SLC35F1: variants seen among roughly 807,000 people sequenced by gnomAD.
SLC35F1 encodes solute carrier family 35 member F1.
A neutral mutation model predicts 48.7 loss-of-function variants in SLC35F1; 14 were observed. The observed-to-expected ratio is 0.29, with a 90% CI of 0.19 to 0.45. The LOEUF is 0.45. Among genes scored for constraint, SLC35F1 ranks in the 20% least tolerant of loss-of-function variants. The pLI is 1.00. For missense variants in SLC35F1, 404 were observed against 500.0 expected (o/e 0.81, Z 1.83); for synonymous variants, 190 against 202.2 (o/e 0.94, Z 0.51).
At chr6:118,237,799 A>G (rs1302064331) in intron 3 of SLC35F1, among the ~76,000 whole-genome samples, 1 of 152,230 alleles carries the variant, frequency 6.6e-6, no homozygotes, top group African/African-American at 2.4e-5. Flanking sequence ...TGCACCAGTA[A>G]TTTGGTATGC....
chr6:117,951,710 G>C (rs1485128210), intron 1 of SLC35F1, among the ~76,000 whole-genome samples: 1 of 152,224 alleles, frequency 6.6e-6, no homozygotes, highest in Non-Finnish European at 1.5e-5. Flanking sequence ...CTAAGGATAA[G>C]AGACTGGGGA....
chr6:118,099,140 G>T (rs765339849), intron 1 of SLC35F1, among the ~76,000 whole-genome samples: 2 of 152,212 alleles, frequency 1.3e-5, no homozygotes, highest in Non-Finnish European at 2.9e-5. Context: ...TGAGCAGGAA[G>T]GTGGTGAATG....
At chr6:117,909,293 G>GT (rs1011031772) in intron 1 of SLC35F1, among the ~76,000 whole-genome samples, 17 of 150,626 alleles carry the variant, frequency 1.1e-4, no homozygotes, top group South Asian at 2.1e-4. Context: ...ATACCTGTGA[G>GT]TTTTTTTTTC....
intron 1 of SLC35F1, among the ~76,000 whole-genome samples, chr6:118,080,821 A>G (rs375497530): frequency 1.3e-5 from 2 of 152,330 alleles, no homozygotes. Context: ...CAATGTCTTC[A>G]GCTCAGAGAG....
At chr6:117,966,819 A>G (rs1477648890) in intron 1 of SLC35F1, among the ~76,000 whole-genome samples, 4 of 152,062 alleles carry the variant, frequency 2.6e-5, no homozygotes, top group African/African-American at 9.7e-5. Flanking sequence ...TTTCCACTCC[A>G]TTACCTCTTT....
At chr6:118,206,946 T>TA (rs140318212) in intron 2 of SLC35F1, among the ~76,000 whole-genome samples, 3,321 of 151,620 alleles carry the variant, frequency 0.022, 119 homozygotes, top group African/African-American at 0.076. Flanking sequence ...TCTTAGTGTT[T>TA]AAAAAAAAAT....
chr6:118,162,022 A>C (rs1027232277), intron 2 of SLC35F1, among the ~76,000 whole-genome samples: 7 of 152,222 alleles, frequency 4.6e-5, no homozygotes, highest in African/African-American at 1.7e-4. Flanking sequence ...TTGCATTTTT[A>C]CAAGAGATGA....
intron 7 of SLC35F1, among the ~76,000 whole-genome samples, chr6:118,302,971 G>T (rs1776271347): frequency 9.7e-6 from 1 of 102,682 alleles, no homozygotes; most frequent in African/African-American, 4.5e-5. Context: ...GAAACAAACA[G>T]CTTATTTAGA....
intron 1 of SLC35F1, among the ~76,000 whole-genome samples, chr6:118,112,811 A>G (rs1233258811): frequency 6.6e-6 from 1 of 152,228 alleles, no homozygotes; most frequent in African/African-American, 2.4e-5. Flanking sequence ...CAACCAAAAA[A>G]CAACCAACAA....
intron 6 of SLC35F1, among the ~76,000 whole-genome samples, chr6:118,278,920 A>T (rs765208005): frequency 3.3e-5 from 5 of 152,238 alleles, no homozygotes; most frequent in Admixed American, 1.3e-4. Context: ...GTTATAATTC[A>T]GTGTTAGTTA....
intron 1 of SLC35F1, among the ~76,000 whole-genome samples, chr6:117,975,876 C>T (rs1194419979): frequency 6.6e-6 from 1 of 152,196 alleles, no homozygotes; most frequent in Non-Finnish European, 1.5e-5. Flanking sequence ...CTTGATCCCT[C>T]TTCTGGAAAT....
chr6:118,279,007 G>A (rs1261368418), intron 6 of SLC35F1, among the ~76,000 whole-genome samples: 1 of 152,148 alleles, frequency 6.6e-6, no homozygotes, highest in Non-Finnish European at 1.5e-5. Flanking sequence ...AGTTGAAGAT[G>A]ATGAAGGACA....
intron 1 of SLC35F1, among the ~76,000 whole-genome samples, chr6:118,145,632 A>G (rs1397905359): frequency 6.6e-6 from 1 of 152,214 alleles, no homozygotes; most frequent in African/African-American, 2.4e-5. Context: ...ACAATTTTAA[A>G]TATGGATTTA....
At position 118,314,569 on chromosome 6, in the gene SLC35F1, A is replaced by C. The variant is rs1445733282; in HGVS notation, c.*317A>C. 1 of 317,038 alleles carries C rather than the reference A, an allele frequency of 3.2e-6. No homozygotes were observed. The highest frequency in any genetic ancestry group is 4.2e-5 in the Admixed American group (1 of 23,582). The allele number at this position is 317,038 out of a possible 1,614,324, so 19.6% of individuals were successfully genotyped here. ...GATTTGTATTATTATTATTGCTGTT[A>C]CTGTTATTACACCAACTTTCAGGAG... On this transcript the variant is annotated 3_prime_UTR_variant, in exon 8 of 8. Transcript: ENST00000360388.
intron 1 of SLC35F1, among the ~76,000 whole-genome samples, chr6:118,065,634 A>T (rs753847041): frequency 1.3e-5 from 2 of 152,246 alleles, no homozygotes; most frequent in Non-Finnish European, 2.9e-5. Context: ...AAAAAAAGAA[A>T]AGATTGGACT....
chr6:118,266,904 C>A (rs1278800830), intron 3 of SLC35F1, 91 bp from the exon 4 acceptor site: 2 of 1,415,790 alleles, frequency 1.4e-6, no homozygotes, highest in Non-Finnish European at 2.0e-6. Context: ...AAGGCAGAAC[C>A]CTTTCTGCAG....
At chr6:117,998,659 C>G (rs1206191765) in intron 1 of SLC35F1, among the ~76,000 whole-genome samples, 1 of 152,210 alleles carries the variant, frequency 6.6e-6, no homozygotes, top group Non-Finnish European at 1.5e-5. Flanking sequence ...ACTGAACAAC[C>G]TGCTCCTGAA....
At chr6:118,196,603 C>T (rs564910150) in intron 2 of SLC35F1, among the ~76,000 whole-genome samples, 1 of 152,148 alleles carries the variant, frequency 6.6e-6, no homozygotes, top group East Asian at 1.9e-4. Flanking sequence ...ATAATCCTAG[C>T]TGCTGGGGAG....
At chr6:118,119,607 G>A (rs796544201) in intron 1 of SLC35F1, among the ~76,000 whole-genome samples, 2 of 149,748 alleles carry the variant, frequency 1.3e-5, no homozygotes, top group Non-Finnish European at 3.0e-5. Context: ...GGGTTCAAGC[G>A]ATTCTCCTGC....
Sources: gnomAD v4.1 joint callset for allele counts (sites outside exome capture counted in the v4.1 genomes callset) on GRCh38, gnomAD v4.1.1 for gene constraint, MANE v1.5 for transcripts, NCBI Gene and HGNC (gene_info 2026-07-23, HGNC 2026-07-21) for gene names.